The following ROBO2 variants were observed in gnomAD, a reference collection of about 807,000 sequenced individuals.
ROBO2 encodes the protein roundabout homolog 2.
In ROBO2, 53 loss-of-function variants were observed where a neutral mutation model predicts 160.8. The ratio of observed to expected loss-of-function variants is 0.33; its 90% confidence interval spans 0.26 to 0.41. The LOEUF is 0.41. Ranked by LOEUF, ROBO2 falls within the 10% of genes least tolerant of loss-of-function variation. The pLI, the probability that ROBO2 is intolerant of heterozygous loss-of-function variation, is 1.00. For synonymous variants in ROBO2, 664 were observed against 611.7 expected, an observed-to-expected ratio of 1.09 and a Z score of -1.26; for missense variants, 1,577 against 1,722.4, an observed-to-expected ratio of 0.92 and a Z score of 1.49.
chr3:76,395,837 AC>A (rs952828843), intron 2 of ROBO2, among the ~76,000 whole-genome samples: 2 of 152,148 alleles, frequency 1.3e-5, no homozygotes, highest in Non-Finnish European at 2.9e-5. Flanking sequence ...TCAATAGCTT[AC>A]CAACCAAAAA....
At chr3:77,428,337 A>ATTTTTTTTTTTTTTTTTT (rs1491236295) in intron 2 of ROBO2, among the ~76,000 whole-genome samples, 2 of 128,222 alleles carry the variant, frequency 1.6e-5, no homozygotes, top group African/African-American at 6.1e-5. Context: ...AACTTAGGTA[A>ATTTTTTTTTTTTTTTTTT]TATTTTTTTT....
intron 2 of ROBO2, among the ~76,000 whole-genome samples, chr3:77,346,459 G>T (rs1419667588): frequency 6.7e-6 from 1 of 148,740 alleles, no homozygotes; most frequent in Non-Finnish European, 1.5e-5. Flanking sequence ...TGAGAAATAG[G>T]GTTTGTTTTA....
At chr3:76,268,111 T>C (rs1297606590) in intron 2 of ROBO2, among the ~76,000 whole-genome samples, 5 of 152,136 alleles carry the variant, frequency 3.3e-5, no homozygotes, top group South Asian at 4.1e-4. Flanking sequence ...TGTACACATA[T>C]ACACATAAAT....
chr3:76,917,120 C>T (rs1441085113), intron 2 of ROBO2, among the ~76,000 whole-genome samples: 7 of 152,146 alleles, frequency 4.6e-5, no homozygotes, highest in Admixed American at 1.3e-4. Flanking sequence ...GGGTGGTATC[C>T]GTACCCGGAG....
chr3:77,500,184 T>G (rs1057493719), intron 5 of ROBO2, among the ~76,000 whole-genome samples: 6 of 152,164 alleles, frequency 3.9e-5, no homozygotes, highest in Admixed American at 3.9e-4. Context: ...TAAAAGCAAG[T>G]ATTTAGGGAG....
intron 2 of ROBO2, among the ~76,000 whole-genome samples, chr3:77,184,984 T>C (rs116076832): frequency 0.013 from 2,008 of 152,146 alleles, 67 homozygotes; most frequent in African/African-American, 0.046. Context: ...TAATTTCAGC[T>C]TGAAATAGCT....
At chr3:77,588,515 C>T (rs986679335) in intron 16 of ROBO2, among the ~76,000 whole-genome samples, 12 of 151,958 alleles carry the variant, frequency 7.9e-5, no homozygotes, top group Admixed American at 3.3e-4. Context: ...GTTGTGAATC[C>T]ATCCATAGCA....
At chr3:77,403,897 T>C (rs2076040395) in intron 2 of ROBO2, among the ~76,000 whole-genome samples, 1 of 151,980 alleles carries the variant, frequency 6.6e-6, no homozygotes, top group Non-Finnish European at 1.5e-5. Context: ...TGGCACTCTG[T>C]TCTCAAGCCT....
At chr3:77,644,707 A>T (rs1384132354) in exon 25 of ROBO2, 1 of 1,613,894 alleles carries the variant, frequency 6.2e-7, no homozygotes, top group African/African-American at 1.3e-5. Flanking sequence ...TTTTCAGAGG[A>T]GGCCTTGGTG....
At chr3:76,094,528 A>T (rs1463194452) in intron 2 of ROBO2, among the ~76,000 whole-genome samples, 3 of 152,236 alleles carry the variant, frequency 2.0e-5, no homozygotes, top group Non-Finnish European at 2.9e-5. Flanking sequence ...TCTCTGGAAG[A>T]TCCACAAATA....
chr3:76,910,942 C>G (rs2075958162), intron 2 of ROBO2, among the ~76,000 whole-genome samples: 2 of 151,922 alleles, frequency 1.3e-5, no homozygotes, highest in African/African-American at 4.8e-5. Context: ...ATTAAGTACT[C>G]TACTTAAATA....
intron 2 of ROBO2, among the ~76,000 whole-genome samples, chr3:77,308,514 G>A (rs1029911641): frequency 2.0e-5 from 3 of 152,038 alleles, no homozygotes; most frequent in Non-Finnish European, 4.4e-5. Context: ...GGAGAGCCCT[G>A]GCAGGAGAAA....
At position 76,850,362 on chromosome 3, in the gene ROBO2, A is replaced by G. The variant is rs539822855; in HGVS notation, c.110-247652A>G. On this transcript the variant is annotated intron_variant, in intron 2 of 26. Transcript: ENST00000487694. Reference sequence around the variant, plus strand: ...CTTAACCCTGCGCTGAGTACTTACAACAGAAGCTAGGAATGCTCCATCAGT... The same window carrying G: ...CTTAACCCTGCGCTGAGTACTTACAGCAGAAGCTAGGAATGCTCCATCAGT... 3.9e-5 allele frequency among the ~76,000 whole-genome samples: 6 copies of G among 152,264 alleles called. No homozygotes were observed. In the South Asian group the frequency reaches 1.0e-3, roughly 26 times the overall value.
At chr3:76,715,945 A>G (rs1048880522) in intron 2 of ROBO2, among the ~76,000 whole-genome samples, 1 of 152,126 alleles carries the variant, frequency 6.6e-6, no homozygotes, top group African/African-American at 2.4e-5. Flanking sequence ...TTCAAAAGAG[A>G]TTTTAGGTTG....
intron 2 of ROBO2, among the ~76,000 whole-genome samples, chr3:76,253,463 C>T (rs1706163254): frequency 1.3e-5 from 2 of 151,320 alleles, no homozygotes; most frequent in African/African-American, 4.9e-5. Context: ...TTTTAGAGAT[C>T]AGATCTTGCT....
At chr3:76,921,715 G>A (rs1014508778) in intron 2 of ROBO2, among the ~76,000 whole-genome samples, 2 of 151,944 alleles carry the variant, frequency 1.3e-5, no homozygotes, top group Non-Finnish European at 2.9e-5. Flanking sequence ...TTTTGGTGAA[G>A]CACCATTCTT....
intron 2 of ROBO2, among the ~76,000 whole-genome samples, chr3:76,580,756 T>C (rs796571612): frequency 6.6e-5 from 10 of 152,252 alleles, no homozygotes; most frequent in African/African-American, 2.4e-4. Context: ...CCAATTTGTT[T>C]GATAATATGT....
At chr3:76,984,418 A>G (rs2060260277) in intron 2 of ROBO2, among the ~76,000 whole-genome samples, 1 of 152,184 alleles carries the variant, frequency 6.6e-6, no homozygotes, top group South Asian at 2.1e-4. Context: ...GAGAGTTTAG[A>G]AAAAGTACAA....
chr3:77,322,368 A>G (rs1056467361), intron 2 of ROBO2, among the ~76,000 whole-genome samples: 1 of 152,156 alleles, frequency 6.6e-6, no homozygotes, highest in Non-Finnish European at 1.5e-5. Context: ...GTTCGCTTCA[A>G]CAGAGGTCTG....
Sources: gnomAD v4.1 joint callset for allele counts (sites outside exome capture counted in the v4.1 genomes callset) on GRCh38, gnomAD v4.1.1 for gene constraint, MANE v1.5 for transcripts, NCBI Gene and HGNC (gene_info 2026-07-23, HGNC 2026-07-21) for gene names.